SCN9A: variants seen among roughly 807,000 people sequenced by gnomAD.
SCN9A encodes sodium channel protein type 9 subunit alpha.
Under a neutral mutation model 187.0 loss-of-function variants are expected in SCN9A, and 131 were observed. That is an observed-to-expected ratio of 0.70 (90% confidence interval 0.61 to 0.81). The LOEUF is 0.81. Ranked by LOEUF, SCN9A falls within the 30% of genes least tolerant of loss-of-function variation. The pLI is 0.00. For synonymous variants in SCN9A, 809 were observed against 808.6 expected, an observed-to-expected ratio of 1.00 and a Z score of -0.01; for missense variants, 2,252 against 2,396.6, an observed-to-expected ratio of 0.94 and a Z score of 1.26.
chr2:166,354,155 T>C (rs996841127), intron 1 of SCN9A, among the ~76,000 whole-genome samples: 4 of 152,178 alleles, frequency 2.6e-5, no homozygotes, highest in Non-Finnish European at 5.9e-5. Context: ...ATCTTTAATT[T>C]ATGGCACTCT....
At chr2:166,208,966 T>A (rs996516813) in intron 24 of SCN9A, among the ~76,000 whole-genome samples, 11 of 152,224 alleles carry the variant, frequency 7.2e-5, no homozygotes, top group Non-Finnish European at 1.5e-4. Context: ...GCACATCAAA[T>A]GTCCTTGCCA....
At chr2:166,345,353 A>AT (rs1040147728) in intron 1 of SCN9A, among the ~76,000 whole-genome samples, 6 of 152,022 alleles carry the variant, frequency 3.9e-5, no homozygotes, top group African/African-American at 1.2e-4. Flanking sequence ...TACAAATGTA[A>AT]TTTTTTCTAT....
At chr2:166,336,482 TAG>T (rs1699630792) in intron 1 of SCN9A, among the ~76,000 whole-genome samples, 1 of 152,064 alleles carries the variant, frequency 6.6e-6, no homozygotes, top group East Asian at 1.9e-4. Flanking sequence ...ACCTGGTGGG[TAG>T]AGGACAGAGA....
At chr2:166,331,026 A>G (rs1051834517) in intron 1 of SCN9A, among the ~76,000 whole-genome samples, 1 of 152,206 alleles carries the variant, frequency 6.6e-6, no homozygotes, top group Admixed American at 6.5e-5. Context: ...AGGGCAAATT[A>G]GGCACAAAAG....
chr2:166,332,471 C>T (rs1036613322), intron 1 of SCN9A, among the ~76,000 whole-genome samples: 4 of 152,134 alleles, frequency 2.6e-5, no homozygotes, highest in African/African-American at 9.7e-5. Context: ...CCAAAACAAG[C>T]TCCTTTTGGC....
At chr2:166,282,496 A>G (rs547447580) in intron 12 of SCN9A, among the ~76,000 whole-genome samples, 6 of 151,932 alleles carry the variant, frequency 3.9e-5, no homozygotes, top group East Asian at 3.9e-4. Context: ...TTGTGAGAAA[A>G]TGTCTTATTT....
chr2:166,375,099 A>G (rs745754029), intron 1 of SCN9A, among the ~76,000 whole-genome samples: 2 of 152,228 alleles, frequency 1.3e-5, no homozygotes, highest in Non-Finnish European at 2.9e-5. Flanking sequence ...AGGATTCTGC[A>G]TCTTTTCTGA....
intron 24 of SCN9A, chr2:166,205,168 G>T (rs1345889795): frequency 6.6e-6 from 1 of 152,032 alleles, no homozygotes; most frequent in Non-Finnish European, 1.5e-5. Context: ...CTACTTTAAA[G>T]TTCATATGGA....
At chr2:166,326,190 T>C (rs11686478) in intron 1 of SCN9A, among the ~76,000 whole-genome samples, 45,230 of 152,006 alleles carry the variant, frequency 0.3, 8,888 homozygotes, top group African/African-American at 0.56. Context: ...AAATTCTATA[T>C]GTCAATAACA....
rs1699006290 is a variant in SCN9A, at chr2:166,312,962, A to AT, written c.-50-1157dup. 2.4e-5 allele frequency among the ~76,000 whole-genome samples: 3 copies of AT among 126,738 alleles called. 1 individual carries two copies. The highest frequency in any genetic ancestry group is 4.9e-4 in the South Asian group (2 of 4,064). 83.1% of individuals were successfully genotyped at this position (126,738 alleles called of 152,430 possible). ...GTAGATTTAGTATAATTCTTAAGAG[A>AT]TTTTCTGAATGATTAAATAATATAA... On this transcript the variant is annotated intron_variant, in intron 1 of 26. Coordinates refer to ENST00000642356, the MANE Select transcript of SCN9A (RefSeq NM_001365536.1).
At chr2:166,320,985 A>C (rs952714917) in intron 1 of SCN9A, among the ~76,000 whole-genome samples, 2 of 152,184 alleles carry the variant, frequency 1.3e-5, no homozygotes, top group African/African-American at 2.4e-5. Context: ...GAAGAGCATA[A>C]GCATGTCTAC....
chr2:166,375,155 C>T (rs977233444), intron 1 of SCN9A, among the ~76,000 whole-genome samples: 1 of 152,086 alleles, frequency 6.6e-6, no homozygotes, highest in African/African-American at 2.4e-5. Flanking sequence ...AAATAATCTG[C>T]GCTGAGAAAT....
intron 18 of SCN9A, among the ~76,000 whole-genome samples, chr2:166,249,112 A>G (rs895890075): frequency 6.6e-6 from 1 of 151,896 alleles, no homozygotes; most frequent in Non-Finnish European, 1.5e-5. Context: ...CCCTCCATAT[A>G]TTTGCACGGC....
At chr2:166,366,883 T>A (rs192975309) in intron 1 of SCN9A, among the ~76,000 whole-genome samples, 1 of 152,296 alleles carries the variant, frequency 6.6e-6, no homozygotes. Context: ...CATGCAAAAA[T>A]TATTATAAAC....
At position 166,238,095 on chromosome 2, in the gene SCN9A, T is replaced by G. The variant is rs200023796; in HGVS notation, c.3800A>C (p.Asp1267Ala). ...AWCWLDFLIV[D>A]VSLVTLVANT... is the part of the protein sequence containing the mutation. ...TAAAATGTACTCAAAAGTACCTACA[T>G]CAACAATTAGGAAATCCAGCCAACA... Residue 1267 changes from aspartate to alanine, a missense_variant and splice_region_variant, in exon 20 of 27, where the codon GAT (aspartate) becomes GCT (alanine). Transcript: ENST00000642356. 6.2e-7 allele frequency: 1 copy of G among 1,608,420 alleles called. No individual in the cohort carries two copies.
Position 166,303,227 on chromosome 2 carries a change from C to A in SCN9A, c.764G>T (p.Cys255Phe), listed in dbSNP as rs755139637. The A allele has an allele frequency of 1.2e-6, 2 of 1,613,742 alleles. No individual in the cohort carries two copies. Among genetic ancestry groups the A allele is most frequent in the East Asian group, 2.2e-5 (1 of 44,814 alleles). Residue 255 changes from cysteine to phenylalanine, a missense_variant, in exon 7 of 27, where the codon TGT becomes TTT. Physicochemically the swap from Cys to Phe is radical, Grantham distance 205. Around this residue, in one of 7 missense-constraint regions of SCN9A, gnomAD observed 1,013 missense variants for 997.4 expected, o/e 1.02. Coordinates refer to ENST00000642356, the MANE Select transcript of SCN9A (RefSeq NM_001365536.1). ...LSDVMILTVF[C>F]LSVFALIGLQ... Reference sequence around the variant, plus strand: ...TCCAATTAGTGCAAACACACTCAGACAGAACACAGTCAGGATCATGACATC... The same window carrying A: ...TCCAATTAGTGCAAACACACTCAGAAAGAACACAGTCAGGATCATGACATC...
At position 166,197,095 on chromosome 2, in the gene SCN9A, GAA is replaced by G. The variant is rs1376887634; in HGVS notation, c.*1575_*1576del. 3.3e-5 allele frequency: 5 copies of G among 151,896 alleles called. No individual in the cohort carries two copies. The highest frequency in any genetic ancestry group is 4.8e-5 in the African/African-American group (2 of 41,420). The allele number at this position is 151,896 out of a possible 1,614,324, so 9.4% of individuals were successfully genotyped here. The stretch of plus-strand genomic sequence containing the variant: ...TTTTAAATATGGAAAGCAAATTAGT[GAA>G]AGTTGTTTTATATATTTGCTTCAAA... On this transcript the variant is annotated 3_prime_UTR_variant, in exon 27 of 27. Coordinates refer to ENST00000642356, the MANE Select transcript of SCN9A (RefSeq NM_001365536.1).
At chr2:166,295,994 A>G (rs1379171490) in intron 7 of SCN9A, 1 of 152,238 alleles carries the variant, frequency 6.6e-6, no homozygotes, top group Admixed American at 6.5e-5. Flanking sequence ...CTATTCTACT[A>G]TAAGAACCTG....
chr2:166,374,448 C>T (rs1171103438), intron 1 of SCN9A, among the ~76,000 whole-genome samples: 3 of 152,176 alleles, frequency 2.0e-5, no homozygotes, highest in South Asian at 4.1e-4. Flanking sequence ...ACACAGGGAT[C>T]AGATAAGACT....
Sources: gnomAD v4.1 joint callset for allele counts (sites outside exome capture counted in the v4.1 genomes callset) on GRCh38, gnomAD v4.1.1 for gene constraint, gnomAD v4.1.1 regional missense constraint, MANE v1.5 for transcripts, NCBI Gene and HGNC (gene_info 2026-07-23, HGNC 2026-07-21) for gene names.